ADCY6: variants seen among roughly 807,000 people sequenced by gnomAD.
ADCY6 encodes adenylate cyclase 6, also known as adenylate cyclase type 6.
Under a neutral mutation model 111.6 loss-of-function variants are expected in ADCY6, and 59 were observed. The observed-to-expected ratio is 0.53, with a 90% confidence interval of 0.43 to 0.66. The LOEUF is 0.66. ADCY6 is among the 30% of genes least tolerant of loss of function. The pLI is 0.00. For missense variants in ADCY6, 1,242 were observed against 1,595.6 expected (o/e 0.78, Z 3.78); for synonymous variants, 576 against 642.9 (o/e 0.90, Z 1.57).
intron 2 of ADCY6, chr12:48,778,559 C>G (rs980039658): frequency 2.6e-6 from 1 of 384,714 alleles, no homozygotes; most frequent in South Asian, 2.9e-5. Context: ...CCCTGTATCT[C>G]CTGCTCCTCA....
Position 48,770,868 on chromosome 12 carries a change from C to T in ADCY6, c.3154G>A (p.Gly1052Ser), listed in dbSNP as rs1941518528. 6.2e-7 allele frequency: 1 copy of T among 1,614,092 alleles called. No individual in the cohort carries two copies. Among genetic ancestry groups the T allele is most frequent in the South Asian group, 1.1e-5 (1 of 91,092 alleles). ...GLNASTYDQVGRSHITALADY... is the reference protein window; with the variant it reads ...GLNASTYDQVSRSHITALADY... ...GCCAGGGCAGTGATGTGGGAGCGGCCCACCTGATCGTAGGTGCTGGCGTTC... is the reference window on the plus strand; with the variant it reads ...GCCAGGGCAGTGATGTGGGAGCGGCTCACCTGATCGTAGGTGCTGGCGTTC... The change falls in exon 20 of 22, where the codon GGC becomes AGC. Residue 1052 changes from glycine to serine, a missense_variant. Physicochemically the swap from Gly to Ser is moderately conservative, Grantham distance 56. Transcript: ENST00000357869.
At chr12:48,789,387 A>C, upstream of ADCY6, among the ~76,000 whole-genome samples, 1 of 148,882 alleles carries the variant, frequency 6.7e-6, no homozygotes, top group East Asian at 2.0e-4. Context: ...CCTTCCCTTC[A>C]CCCCGGCCGC....
Position 48,768,390 on chromosome 12 carries a change from T to A in ADCY6, c.*201A>T, listed in dbSNP as rs185638739. On this transcript the variant is annotated 3_prime_UTR_variant, in exon 22 of 22. Coordinates refer to ENST00000357869, the MANE Select transcript of ADCY6 (RefSeq NM_015270.5). Reference sequence around the variant, plus strand: ...CAAGTAAGAAAGAAAGTCACTTGCATAATCCTCTCGGTAGGTAGCCCCTTG... The same window carrying A: ...CAAGTAAGAAAGAAAGTCACTTGCAAAATCCTCTCGGTAGGTAGCCCCTTG... 5 of 710,306 alleles carry A rather than the reference T, an allele frequency of 7.0e-6. No individual in the cohort carries two copies. Among genetic ancestry groups the A allele is most frequent in the Non-Finnish European group, 1.2e-5 (5 of 429,524 alleles). 44.0% of individuals were successfully genotyped at this position (710,306 alleles called of 1,614,324 possible).
At position 48,771,031 on chromosome 12, in the gene ADCY6, A is replaced by C; in HGVS notation, c.3052-61T>G. 2 of 1,548,860 alleles carry C rather than the reference A, an allele frequency of 1.3e-6. No homozygotes were observed. The highest frequency in any genetic ancestry group is 1.8e-6 in the Non-Finnish European group (2 of 1,133,114). ...AGACCCCAGACCCAGCCCTGCCCCA[A>C]CACTCATTTCTTGCCACGCCTTGGC... On this transcript the variant is annotated intron_variant, in intron 19 of 21. Transcript: ENST00000357869. The surrounding 1 kb of genome is among the most constrained non-coding windows in gnomAD (Gnocchi z 4.3).
chr12:48,777,780 C>T lies in ADCY6; in HGVS notation c.1015-44G>A, dbSNP rs369328154. 2.0e-4 allele frequency: 329 copies of T among 1,609,178 alleles called. No individual in the cohort carries two copies. The highest frequency in any genetic ancestry group is 4.0e-4 in the Admixed American group (24 of 59,836). ...TAGGGCATCACTATACTCTTGGTCT[C>T]ACATTGCAATCCCTCCTGGTCTCTC... On this transcript the variant is annotated intron_variant, in intron 3 of 21. Coordinates refer to ENST00000357869, the MANE Select transcript of ADCY6 (RefSeq NM_015270.5). The surrounding 1 kb of genome is among the most constrained non-coding windows in gnomAD (Gnocchi z 4.9).
At position 48,777,142 on chromosome 12, in the gene ADCY6, G is replaced by C; in HGVS notation, c.1338C>G (p.Cys446Trp). The part of the protein sequence containing the change: ...LPEARADHAH[C>W]CVEMGVDMIE... ...TCATGTCTACCCCCATCTCCACACAGCAGTGGGCATGGTCGGCCCGGGCCT... is the reference window on the plus strand; with the variant it reads ...TCATGTCTACCCCCATCTCCACACACCAGTGGGCATGGTCGGCCCGGGCCT... Residue 446 changes from cysteine (C) to tryptophan (W), a missense_variant, in exon 6 of 22, where the codon TGC (cysteine) becomes TGG (tryptophan). This residue lies in a region of ADCY6 where 260 missense variants were observed against 414.6 expected (regional missense o/e 0.63). Coordinates refer to ENST00000357869, the MANE Select transcript of ADCY6 (RefSeq NM_015270.5). The surrounding 1 kb of genome is among the most constrained non-coding windows in gnomAD (Gnocchi z 4.9). 6.2e-7 allele frequency: 1 copy of C among 1,613,644 alleles called. No individual in the cohort carries two copies. Among genetic ancestry groups the C allele is most frequent in the South Asian group, 1.1e-5 (1 of 91,036 alleles).
rs761242462 is a variant in ADCY6, at chr12:48,770,768, A to G, written c.3254T>C (p.Ile1085Thr). 1.2e-6 allele frequency: 2 copies of G among 1,613,670 alleles called. No individual in the cohort carries two copies. The highest frequency in any genetic ancestry group is 1.7e-5 in the Admixed American group (1 of 60,004). Residue 1085 changes from isoleucine to threonine, a missense_variant and splice_region_variant, in exon 20 of 22, where the codon ATT becomes ACT. Around this residue, in one of 4 missense-constraint regions of ADCY6, gnomAD observed 245 missense variants for 371.3 expected, o/e 0.66. Transcript: ENST00000357869. ...GCCAAGCAACAAAGCCCTCTTACCA[A>G]TCTTCATCTGGAAATTGTTGAAGGA... ...EHSFNNFQMK[I>T]GLNMGPVVAG...
At chr12:48,787,772 G>A (rs1165733760) in intron 1 of ADCY6, among the ~76,000 whole-genome samples, 1 of 152,118 alleles carries the variant, frequency 6.6e-6, no homozygotes, top group African/African-American at 2.4e-5. Flanking sequence ...TCATACCACC[G>A]GCTCCCACAG....
At position 48,782,737 on chromosome 12, in the gene ADCY6, C is replaced by T. The variant is rs748840221; in HGVS notation, c.698G>A (p.Arg233His). The change falls in exon 2 of 22, where the codon CGC (arginine) becomes CAC (histidine). Residue 233 changes from arginine (R) to histidine (H), a missense_variant. Coordinates refer to ENST00000357869, the MANE Select transcript of ADCY6 (RefSeq NM_015270.5). The surrounding 1 kb of genome is among the most constrained non-coding windows in gnomAD (Gnocchi z 4.3). ...GCACCAGAGGCCCGCAGAGGGGCTG[C>T]GCGGGTCTGCTGCGAGAGCGCCCCC... Reference protein sequence around the residue: ...QVGGALAADPRSPSAGLWCPV... With the variant: ...QVGGALAADPHSPSAGLWCPV... 4.4e-6 allele frequency: 7 copies of T among 1,601,786 alleles called. No individual in the cohort carries two copies. Among genetic ancestry groups the T allele is most frequent in the Admixed American group, 3.5e-5 (2 of 57,822 alleles).
At chr12:48,773,085 A>AGAGGAAAAGCCAGTGTGGTGTCC (rs1380313794) in intron 16 of ADCY6, among the ~76,000 whole-genome samples, 5 of 152,132 alleles carry the variant, frequency 3.3e-5, no homozygotes, top group Non-Finnish European at 7.4e-5. Context: ...GGGGTTTTGC[A>AGAGGAAAAGCCAGTGTGGTGTCC]GAGGAAAAGC....
rs749106559 is a variant in ADCY6, at chr12:48,783,471, C to T, written c.-4-33G>A. On this transcript the variant is annotated intron_variant, in intron 1 of 21. Transcript: ENST00000357869. The stretch of plus-strand genomic sequence containing the variant: ...GGAAGGAAGGAGATAGTATTAGAGA[C>T]CATCCAGTAGGAGTGGTATTAATAC... 8.7e-6 allele frequency: 14 copies of T among 1,613,550 alleles called. No homozygotes were observed. In the Admixed American group the frequency reaches 1.7e-4, roughly 19 times the overall value.
rs1462849173 is a variant in ADCY6 at position 48,787,239 on chromosome 12, C to G, written c.-5+1667G>C. ...CACCAGTCCCCTTCCCTGTTCTTAT[C>G]TCCCCCAACACACCACCCCCACCAG... On this transcript the variant is annotated intron_variant, in intron 1 of 21. Transcript: ENST00000357869. 2.6e-5 allele frequency among the ~76,000 whole-genome samples: 4 copies of G among 152,064 alleles called. No individual in the cohort carries two copies. In the East Asian group the frequency reaches 7.7e-4, roughly 29 times the overall value.
intron 1 of ADCY6, 27 bp from the exon 2 acceptor site, chr12:48,783,465 TAG>T (rs745773995): frequency 2.5e-6 from 4 of 1,613,884 alleles, no homozygotes; most frequent in Non-Finnish European, 3.4e-6. Flanking sequence ...GAGATAGTAT[TAG>T]AGACCATCCA....
Position 48,781,215 on chromosome 12 carries a change from C to A in ADCY6, c.864+1356G>T, listed in dbSNP as rs868398468. ...ACTCCGTCTCAAAAAAAAAAAAAAA[C>A]CACAAAAAAAACAGGTAAGTTCTGT... On this transcript the variant is annotated intron_variant, in intron 2 of 21. Coordinates refer to ENST00000357869, the MANE Select transcript of ADCY6 (RefSeq NM_015270.5). Among the ~76,000 whole-genome samples, 132 of 149,556 alleles carry A rather than the reference C, an allele frequency of 8.8e-4. 1 individual carries two copies. The highest frequency in any genetic ancestry group is 3.4e-3 in the Middle Eastern group (1 of 294).
chr12:48,771,669 AC>A lies in ADCY6; in HGVS notation c.3051+40del, dbSNP rs750415828. On this transcript the variant is annotated intron_variant, in intron 19 of 21. Transcript: ENST00000357869. This position sits in a 1 kb window ranked among gnomAD's most constrained non-coding sequence, Gnocchi z 4.3. ...CCATTCCAATCCCTGGTCTCCAAGT[AC>A]CCCCCACTCTCTGCCACCACCAGCC... The A allele has an allele frequency of 1.1e-5, 17 of 1,610,308 alleles. No individual in the cohort carries two copies. In the East Asian group the frequency reaches 2.5e-4, roughly 23 times the overall value.
At position 48,776,427 on chromosome 12, in the gene ADCY6, C is replaced by T. The variant is rs1941705738; in HGVS notation, c.1535+1G>A. Reference sequence around the variant, plus strand: ...CCCCCCACCTGGACCCCCCTACTCACCCAGCCCGGCCTCCTGCCTCCATGT... The same window carrying T: ...CCCCCCACCTGGACCCCCCTACTCATCCAGCCCGGCCTCCTGCCTCCATGT... On this transcript the variant is annotated splice_donor_variant, in intron 7 of 21. Transcript: ENST00000357869. LOFTEE classifies it high-confidence loss of function. This position sits in a 1 kb window ranked among gnomAD's most constrained non-coding sequence, Gnocchi z 6.1. 6.2e-7 allele frequency: 1 copy of T among 1,608,572 alleles called. No individual in the cohort carries two copies. Among genetic ancestry groups the T allele is most frequent in the Non-Finnish European group, 8.5e-7 (1 of 1,176,544 alleles).
At position 48,771,031 on chromosome 12, in the gene ADCY6, A is replaced by G; in HGVS notation, c.3052-61T>C. The G allele has an allele frequency of 6.5e-7, 1 of 1,548,860 alleles. No individual in the cohort carries two copies. The highest frequency in any genetic ancestry group is 8.8e-7 in the Non-Finnish European group (1 of 1,133,114). On this transcript the variant is annotated intron_variant, in intron 19 of 21. Coordinates refer to ENST00000357869, the MANE Select transcript of ADCY6 (RefSeq NM_015270.5). The surrounding 1 kb of genome is among the most constrained non-coding windows in gnomAD (Gnocchi z 4.3). ...AGACCCCAGACCCAGCCCTGCCCCA[A>G]CACTCATTTCTTGCCACGCCTTGGC...
In ADCY6 at chr12:48,770,836, G is replaced by T; in HGVS notation, c.3186C>A (p.Tyr1062Ter). 6.2e-7 allele frequency: 1 copy of T among 1,614,262 alleles called. No individual in the cohort carries two copies. The highest frequency in any genetic ancestry group is 8.5e-7 in the Non-Finnish European group (1 of 1,180,056). The change falls in exon 20 of 22, where the codon TAC becomes TAA. Residue 1062 changes from tyrosine to a stop codon, truncating the protein, a stop_gained. Transcript: ENST00000357869. LOFTEE classifies it high-confidence loss of function. ...GRSHITALAD[Y>*]AMRLMEQMKH... is the part of the protein sequence containing the mutation. ...TCATCTGCTCCATGAGCCGCATGGC[G>T]TAGTCAGCCAGGGCAGTGATGTGGG...
At chr12:48,769,110 C>G in intron 20 of ADCY6, 49 bp from the exon 21 acceptor site, 1 of 1,505,418 alleles carries the variant, frequency 6.6e-7, no homozygotes, top group South Asian at 1.4e-5. Context: ...CAGGGTAAAC[C>G]CAGGGAGTCA....
Sources: gnomAD v4.1 joint callset for allele counts (sites outside exome capture counted in the v4.1 genomes callset) on GRCh38, gnomAD v4.1.1 for gene constraint, gnomAD v4.1.1 regional missense constraint, Gnocchi (gnomAD v3.1) non-coding constraint, MANE v1.5 for transcripts, NCBI Gene and HGNC (gene_info 2026-07-23, HGNC 2026-07-21) for gene names.